Variants in KLRG1 observed in about 807,000 individuals in gnomAD.
KLRG1 encodes killer cell lectin-like receptor subfamily G member 1.
Under a neutral mutation model 21.8 loss-of-function variants are expected in KLRG1, and 16 were observed. The observed-to-expected ratio is 0.73, with a 90% CI of 0.50 to 1.11. KLRG1 has a LOEUF of 1.11. Ranked by LOEUF, KLRG1 falls within the 50% of genes most tolerant of loss-of-function variation. The pLI, the probability that KLRG1 is intolerant of heterozygous loss-of-function variation, is 0.00. For synonymous variants in KLRG1, 69 were observed against 75.9 expected (o/e 0.91, Z 0.47); for missense variants, 173 against 218.3 (o/e 0.79, Z 1.31).
the KLRG1 span, among the ~76,000 whole-genome samples, chr12:9,022,775 G>C: frequency 2.6e-5 from 4 of 152,162 alleles, no homozygotes; most frequent in South Asian, 8.3e-4. Context: ...GTTGAAGGTT[G>C]AGTTGATCAA....
the KLRG1 span, among the ~76,000 whole-genome samples, chr12:9,078,135 C>T: frequency 1.3e-5 from 2 of 152,132 alleles, no homozygotes; most frequent in South Asian, 2.1e-4. Context: ...CATAAGTATA[C>T]GTGTGCCATG....
rs1805672 is a variant in KLRG1, at chr12:9,010,581, A to G, written c.*1044A>G. The G allele has an allele frequency of 0.23, 35,457 of 152,158 alleles. 4,863 individuals are homozygous for G. The highest frequency in any genetic ancestry group is 0.37 in the East Asian group (1,895 of 5,158). 9.4% of individuals were successfully genotyped at this position (152,158 alleles called of 1,614,324 possible). On this transcript the variant is annotated 3_prime_UTR_variant, in exon 5 of 5. Coordinates refer to ENST00000356986, the MANE Select transcript of KLRG1 (RefSeq NM_005810.4). The stretch of plus-strand genomic sequence containing the variant: ...GAGAGAAGGTACAGTGATGAAGGAG[A>G]CCATAATTCTGTAGTGTTGATGATC...
chr12:9,190,811 T>A, the KLRG1 span, among the ~76,000 whole-genome samples: 1 of 152,292 alleles, frequency 6.6e-6, no homozygotes, highest in South Asian at 2.1e-4. Context: ...TTGGACAGTA[T>A]GAAGAATAGT....
chr12:9,094,340 CAT>C, the KLRG1 span, among the ~76,000 whole-genome samples: 16,119 of 96,774 alleles, frequency 0.17, 996 homozygotes, highest in South Asian at 0.19. Context: ...AAAAATTGTG[CAT>C]ATATATATAT....
chr12:9,180,895 T>G, the KLRG1 span: 1 of 1,433,690 alleles, frequency 7.0e-7, no homozygotes, highest in Non-Finnish European at 9.2e-7. Flanking sequence ...TTTCGCAACC[T>G]ACTCATCTGA....
downstream of KLRG1, among the ~76,000 whole-genome samples, chr12:9,011,122 G>T (rs780166753): frequency 4.6e-5 from 7 of 152,332 alleles, no homozygotes; most frequent in Non-Finnish European, 5.9e-5. Context: ...GAGAACTACA[G>T]TCGGGTCTTA....
At chr12:9,201,485 A>T in the KLRG1 span, 4 of 623,856 alleles carry the variant, frequency 6.4e-6, no homozygotes, top group Non-Finnish European at 8.4e-6. Flanking sequence ...GAACTGGAAA[A>T]ATCTCAGGGA....
the KLRG1 span, among the ~76,000 whole-genome samples, chr12:9,042,372 G>C: frequency 6.6e-6 from 1 of 152,180 alleles, no homozygotes; most frequent in Non-Finnish European, 1.5e-5. Context: ...ATCAAATTCA[G>C]GGCACTGCCA....
intron 1 of KLRG1, among the ~76,000 whole-genome samples, chr12:8,965,512 C>CA (rs1946454673): frequency 7.7e-6 from 1 of 130,652 alleles, no homozygotes; most frequent in African/African-American, 2.8e-5. Flanking sequence ...AATCAATGTA[C>CA]AAAAATCACA....
At chr12:9,157,176 T>C in the KLRG1 span, 5 of 1,612,656 alleles carry the variant, frequency 3.1e-6, no homozygotes, top group African/African-American at 1.3e-5. Context: ...TGCTCTCACC[T>C]TCTTTCACAG....
intron 1 of KLRG1, among the ~76,000 whole-genome samples, chr12:8,960,913 G>A (rs1946371105): frequency 6.6e-6 from 1 of 152,198 alleles, no homozygotes; most frequent in Admixed American, 6.5e-5. Flanking sequence ...TATTTGAGGG[G>A]ACGAGGTGTA....
chr12:9,028,897 A>G, the KLRG1 span: 4 of 637,356 alleles, frequency 6.3e-6, no homozygotes, highest in Admixed American at 1.8e-5. Context: ...CACCTCCTCC[A>G]TAGTGGCATA....
At chr12:9,093,371 C>T in the KLRG1 span, 3 of 795,694 alleles carry the variant, frequency 3.8e-6, no homozygotes, top group South Asian at 1.5e-5. Flanking sequence ...ACATCATAAA[C>T]ATATAAAACA....
the KLRG1 span, chr12:9,098,735 A>G: frequency 6.2e-7 from 1 of 1,613,018 alleles, no homozygotes; most frequent in Non-Finnish European, 8.5e-7. Context: ...AGACTTTGTG[A>G]TGGGCTGAAG....
At chr12:9,084,824 A>C in the KLRG1 span, among the ~76,000 whole-genome samples, 3 of 152,142 alleles carry the variant, frequency 2.0e-5, no homozygotes, top group Non-Finnish European at 4.4e-5. Context: ...CTGAAAGTGA[A>C]GAGAAGGAAA....
the KLRG1 span, chr12:9,069,624 A>G: frequency 1.5e-6 from 1 of 674,530 alleles, no homozygotes; most frequent in Non-Finnish European, 2.5e-6. Context: ...TAGAGTTAAC[A>G]TTAGAATTCT....
At chr12:9,069,712 G>A in the KLRG1 span, 9 of 1,564,842 alleles carry the variant, frequency 5.8e-6, no homozygotes, top group South Asian at 2.3e-5. Flanking sequence ...TATTATCTAC[G>A]TTTTTTTGCA....
At chr12:9,101,249 G>A in the KLRG1 span, 17 of 1,535,722 alleles carry the variant, frequency 1.1e-5, no homozygotes, top group East Asian at 4.2e-4. Context: ...GTGCCAGAGA[G>A]AACACGCTTC....
At chr12:9,087,469 G>T in the KLRG1 span, among the ~76,000 whole-genome samples, 1 of 152,124 alleles carries the variant, frequency 6.6e-6, no homozygotes, top group African/African-American at 2.4e-5. Flanking sequence ...CAAATTCACA[G>T]GAGCAGAGAG....
Sources: allele counts gnomAD v4.1 joint callset (sites outside exome capture counted in the v4.1 genomes callset), GRCh38; gene constraint gnomAD v4.1.1; transcripts MANE v1.5; gene names NCBI Gene and HGNC (gene_info 2026-07-23, HGNC 2026-07-21).